Variants in C16orf74 observed in about 807,000 individuals in gnomAD.
The protein encoded by C16orf74 is uncharacterized protein C16orf74.
Under a neutral mutation model 6.5 loss-of-function variants are expected in C16orf74, and 10 were observed. The observed-to-expected ratio is 1.54, with a 90% confidence interval of 0.95 to 2.61. The LOEUF (loss-of-function observed/expected upper bound fraction) is 2.61. Ranked by LOEUF, C16orf74 falls within the 30% of genes most tolerant of loss-of-function variation. C16orf74 has a pLI of 0.00. For synonymous variants in C16orf74, 60 were observed against 42.5 expected (o/e 1.41, Z -1.60); for missense variants, 141 against 105.9 (o/e 1.33, Z -1.45).
chr16:85,708,546 C>T (rs556383105), intron 3 of C16orf74, among the ~76,000 whole-genome samples: 6 of 152,294 alleles, frequency 3.9e-5, no homozygotes, highest in South Asian at 2.1e-4. Flanking sequence ...TGTCCCTGGG[C>T]GAGGCACTGT....
At chr16:85,714,181 G>A (rs2053996588) in intron 2 of C16orf74, among the ~76,000 whole-genome samples, 2 of 152,040 alleles carry the variant, frequency 1.3e-5, no homozygotes, top group South Asian at 4.1e-4. Flanking sequence ...GGGCTGGGGA[G>A]AGACGGCCAC....
In C16orf74 at chr16:85,719,756, G is replaced by C. The variant is rs540411647; in HGVS notation, c.29-9449C>G. 4.9e-4 allele frequency among the ~76,000 whole-genome samples: 75 copies of C among 151,962 alleles called. 1 individual carries two copies. Among genetic ancestry groups the C allele is most frequent in the Admixed American group, 4.5e-3 (69 of 15,274 alleles). ...AGGAGAGATTCCCGAGGCACCCACAGCACACACAAAGGCCCTGAGGCAGGA... is the reference window on the plus strand; with the variant it reads ...AGGAGAGATTCCCGAGGCACCCACACCACACACAAAGGCCCTGAGGCAGGA... On this transcript the variant is annotated intron_variant, in intron 2 of 3. Transcript: ENST00000284245.
chr16:85,715,152 G>A (rs1360386649), intron 2 of C16orf74, among the ~76,000 whole-genome samples: 4 of 97,646 alleles, frequency 4.1e-5, no homozygotes, highest in Non-Finnish European at 6.3e-5. Flanking sequence ...GCCAGACTCC[G>A]TCTCAAAAAA....
intron 2 of C16orf74, among the ~76,000 whole-genome samples, chr16:85,719,926 G>T (rs10153058): frequency 0.021 from 3,160 of 150,348 alleles, 127 homozygotes; most frequent in African/African-American, 0.075. Flanking sequence ...GGCAGGAACA[G>T]AGGGGCCACA....
At chr16:85,744,410 T>A (rs575287483) in intron 1 of C16orf74, among the ~76,000 whole-genome samples, 1 of 151,944 alleles carries the variant, frequency 6.6e-6, no homozygotes, top group Admixed American at 6.6e-5. Flanking sequence ...TTTGCAGGGG[T>A]GTGAAAAACT....
Position 85,710,199 on chromosome 16 carries a change from G to A in C16orf74, c.137C>T (p.Thr46Met), listed in dbSNP as rs201787608. Residue 46 changes from threonine (T) to methionine (M), a missense_variant, in exon 3 of 4, where the codon ACG (threonine) becomes ATG (methionine). Physicochemically the swap from Thr to Met is moderately conservative, Grantham distance 81. Coordinates refer to ENST00000284245, the MANE Select transcript of C16orf74 (RefSeq NM_206967.3). The stretch of plus-strand genomic sequence containing the variant: ...CAAGTCCCTCGGCAGCATCATGCCC[G>A]TGGGGGTGGGGGGCGTGATGATGAT... ...PDIIITPPTP[T>M]GMMLPRDLGS... 1.9e-4 allele frequency: 289 copies of A among 1,490,062 alleles called. 2 individuals carry two copies. Among genetic ancestry groups the A allele is most frequent in the African/African-American group, 4.4e-5 (3 of 67,684 alleles). 92.3% of individuals were successfully genotyped at this position (1,490,062 alleles called of 1,614,324 possible). A position where few individuals can be genotyped will look rare whatever the true frequency, so the allele number is the denominator to read the frequency against.
At chr16:85,711,063 C>G (rs1275522798) in intron 2 of C16orf74, among the ~76,000 whole-genome samples, 1 of 152,142 alleles carries the variant, frequency 6.6e-6, no homozygotes, top group African/African-American at 2.4e-5. Flanking sequence ...CCTGTAATGC[C>G]AGCACTTTCG....
In C16orf74 at chr16:85,732,208, G is replaced by A. The variant is rs189635594; in HGVS notation, c.28+2982C>T. Among the ~76,000 whole-genome samples, 32 of 152,300 alleles carry A rather than the reference G, an allele frequency of 2.1e-4. No individual in the cohort carries two copies. In the East Asian group the frequency reaches 6.2e-3, roughly 29 times the overall value. Reference sequence around the variant, plus strand: ...CCTCCTTAGAGCTTCCAGAAGAAACGAGGCCCTGCTCACACCTGGATGTCA... The same window carrying A: ...CCTCCTTAGAGCTTCCAGAAGAAACAAGGCCCTGCTCACACCTGGATGTCA... On this transcript the variant is annotated intron_variant, in intron 2 of 3. Transcript: ENST00000284245.
chr16:85,747,100 G>C, intron 1 of C16orf74, among the ~76,000 whole-genome samples: 1 of 152,118 alleles, frequency 6.6e-6, no homozygotes, highest in East Asian at 1.9e-4. Flanking sequence ...GGCCTCCCAC[G>C]GATGAGCCGT....
At chr16:85,708,520 C>G (rs992978439) in intron 3 of C16orf74, among the ~76,000 whole-genome samples, 4 of 152,232 alleles carry the variant, frequency 2.6e-5, no homozygotes, top group Non-Finnish European at 5.9e-5. Flanking sequence ...CCCAGCTCTT[C>G]TCCCACCTTG....
intron 1 of C16orf74, among the ~76,000 whole-genome samples, chr16:85,750,140 G>A (rs1020606999): frequency 1.3e-5 from 2 of 152,158 alleles, no homozygotes; most frequent in East Asian, 3.8e-4. Context: ...TTCGTTCCCC[G>A]AGAACCGCAC....
chr16:85,708,680 T>A (rs2053937379), intron 3 of C16orf74, among the ~76,000 whole-genome samples: 1 of 152,322 alleles, frequency 6.6e-6, no homozygotes, highest in African/African-American at 2.4e-5. Flanking sequence ...CACAGAGGAA[T>A]GCGCCCCATT....
intron 1 of C16orf74, among the ~76,000 whole-genome samples, chr16:85,738,314 G>T (rs570056992): frequency 6.1e-5 from 9 of 148,680 alleles, no homozygotes; most frequent in African/African-American, 2.3e-4. Flanking sequence ...CTGGTGTGTG[G>T]CTGGCATTGG....
intron 2 of C16orf74, among the ~76,000 whole-genome samples, chr16:85,724,528 A>G (rs1278071048): frequency 6.6e-6 from 1 of 152,192 alleles, no homozygotes. Flanking sequence ...GACAGTGGAC[A>G]GCACGGAAGC....
At chr16:85,721,546 G>A (rs950007372) in intron 2 of C16orf74, among the ~76,000 whole-genome samples, 3 of 152,188 alleles carry the variant, frequency 2.0e-5, no homozygotes, top group Non-Finnish European at 4.4e-5. Flanking sequence ...CTTGGGACAT[G>A]CTTCTACTTG....
intron 3 of C16orf74, 54 bp downstream of exon 3, chr16:85,710,110 C>T (rs931737043): frequency 2.9e-6 from 4 of 1,363,430 alleles, no homozygotes; most frequent in African/African-American, 1.5e-5. Context: ...TGAGAGCTGT[C>T]TCCACCGGGC....
intron 2 of C16orf74, among the ~76,000 whole-genome samples, chr16:85,712,860 C>CG (rs1239677826): frequency 6.6e-6 from 1 of 152,116 alleles, no homozygotes; most frequent in Non-Finnish European, 1.5e-5. Flanking sequence ...CTTTGTTTGC[C>CG]GGGGGCTGTG....
rs2053925843 is a variant in C16orf74, at chr16:85,707,687, G to C, written c.*321C>G. 1 of 366,128 alleles carries C rather than the reference G, an allele frequency of 2.7e-6. No homozygotes were observed. Among genetic ancestry groups the C allele is most frequent in the South Asian group, 4.6e-5 (1 of 21,668 alleles). 22.7% of individuals were successfully genotyped at this position (366,128 alleles called of 1,614,324 possible). On this transcript the variant is annotated 3_prime_UTR_variant, in exon 4 of 4. Coordinates refer to ENST00000284245, the MANE Select transcript of C16orf74 (RefSeq NM_206967.3). ...GTTTGCACAGCCCTGGGGGCTGGGA[G>C]GGTGTGTTTGTCCAGAAGAGAGCCT...
chr16:85,722,877 GGCT>G (rs1468580037), intron 2 of C16orf74, among the ~76,000 whole-genome samples: 2 of 152,208 alleles, frequency 1.3e-5, no homozygotes, highest in African/African-American at 2.4e-5. Flanking sequence ...CACAGGACTT[GGCT>G]CCTGAAATGA....
Sources: gnomAD v4.1 joint callset for allele counts (sites outside exome capture counted in the v4.1 genomes callset) on GRCh38, gnomAD v4.1.1 for gene constraint, MANE v1.5 for transcripts, NCBI Gene and HGNC (gene_info 2026-07-23, HGNC 2026-07-21) for gene names.